RBM20: variants seen among roughly 807,000 people sequenced by gnomAD.
The protein encoded by RBM20 is RNA binding motif protein 20.
A neutral mutation model predicts 110.1 loss-of-function variants in RBM20; 51 were observed. That is an observed-to-expected ratio of 0.46 (90% CI 0.37 to 0.59). RBM20 has a LOEUF of 0.59. Ranked by LOEUF, RBM20 falls within the 20% of genes least tolerant of loss-of-function variation. RBM20 has a pLI of 0.00. For missense variants in RBM20, 1,512 were observed against 1,574.9 expected (o/e 0.96, Z 0.68); for synonymous variants, 589 against 618.2 (o/e 0.95, Z 0.70).
At chr10:110,697,948 C>A (rs183964481) in intron 1 of RBM20, among the ~76,000 whole-genome samples, 12 of 150,622 alleles carry the variant, frequency 8.0e-5, no homozygotes, top group African/African-American at 2.7e-4. Flanking sequence ...CACTCTGTCG[C>A]CCGGGCTGGA....
At chr10:110,741,332 G>A (rs1294990988) in intron 1 of RBM20, among the ~76,000 whole-genome samples, 3 of 152,186 alleles carry the variant, frequency 2.0e-5, no homozygotes, top group Non-Finnish European at 2.9e-5. Context: ...GAAATAACAG[G>A]TATCTGCCTC....
chr10:110,779,420 C>T (rs1345314365), intron 1 of RBM20, among the ~76,000 whole-genome samples: 1 of 152,206 alleles, frequency 6.6e-6, no homozygotes, highest in Non-Finnish European at 1.5e-5. Context: ...AAACACTTTG[C>T]CCCATGCACC....
rs876657976 is a variant in RBM20 at position 110,812,558 on chromosome 10, G to A, written c.2161G>A (p.Ala721Thr). ...ACACCACCCCCGGCAACTGGACAAG[G>A]CTGAGTTGGACGAGCGACCAGAAGG... ...RKHHPRQLDK[A>T]ELDERPEGGR... The change falls in exon 9 of 14, where the codon GCT becomes ACT. Residue 721 changes from alanine to threonine, a missense_variant. This residue lies in a region of RBM20 where 1,149 missense variants were observed against 1,169.4 expected (regional missense o/e 0.98). Transcript: ENST00000369519. 6 of 1,551,778 alleles carry A rather than the reference G, an allele frequency of 3.9e-6. No homozygotes were observed. The highest frequency in any genetic ancestry group is 1.2e-5 in the South Asian group (1 of 84,068).
At chr10:110,825,577 G>A (rs1005071692) in intron 12 of RBM20, among the ~76,000 whole-genome samples, 5 of 152,130 alleles carry the variant, frequency 3.3e-5, no homozygotes, top group African/African-American at 1.2e-4. Flanking sequence ...ATAATGTTCT[G>A]CAAGTTCACT....
At chr10:110,831,962 T>C (rs1019148702) in intron 13 of RBM20, among the ~76,000 whole-genome samples, 2 of 152,224 alleles carry the variant, frequency 1.3e-5, no homozygotes, top group African/African-American at 4.8e-5. Context: ...AAGGCACCAC[T>C]ATTTTTTGGT....
chr10:110,730,841 GGAA>G (rs1158451195), intron 1 of RBM20, among the ~76,000 whole-genome samples: 2 of 152,218 alleles, frequency 1.3e-5, no homozygotes, highest in African/African-American at 4.8e-5. Context: ...CAGGGAATCA[GGAA>G]GAAGGAGGAG....
chr10:110,699,483 G>C lies in RBM20; in HGVS notation c.191+54838G>C, dbSNP rs953364565. ...GATGGGGTTTCACCATGTTGGTCAA[G>C]CTAGTTTTGAACTCCTGACCTCAGA... On this transcript the variant is annotated intron_variant, in intron 1 of 13. Transcript: ENST00000369519. 4.0e-5 allele frequency among the ~76,000 whole-genome samples: 6 copies of C among 151,898 alleles called. No homozygotes were observed. The East Asian group carries it at 1.2e-3, about 29-fold the overall frequency.
At chr10:110,767,784 A>G (rs1564840067) in intron 1 of RBM20, among the ~76,000 whole-genome samples, 1 of 151,760 alleles carries the variant, frequency 6.6e-6, no homozygotes, top group Non-Finnish European at 1.5e-5. Flanking sequence ...AGCCGAGAAG[A>G]GGCGCTCCTC....
At position 110,824,381 on chromosome 10, in the gene RBM20, G is replaced by A. The variant is rs117575533; in HGVS notation, c.3451+767G>A. Among the ~76,000 whole-genome samples, 448 of 152,202 alleles carry A rather than the reference G, an allele frequency of 2.9e-3. 12 individuals carry two copies. The South Asian group carries it at 0.053, about 18-fold the overall frequency. ...TCTTTAAAGGACCAACTTTTCTGAG[G>A]CAATGATGCTGAATAGAATGTGTTT... On this transcript the variant is annotated intron_variant, in intron 12 of 13. Coordinates refer to ENST00000369519, the MANE Select transcript of RBM20 (RefSeq NM_001134363.3).
intron 7 of RBM20, among the ~76,000 whole-genome samples, chr10:110,804,526 C>G (rs11594287): frequency 0.27 from 40,448 of 152,172 alleles, 6,033 homozygotes; most frequent in East Asian, 0.36. Flanking sequence ...TTCATTTCCT[C>G]TCTTGAATAT....
chr10:110,643,421 G>A (rs1590589945), upstream of RBM20, among the ~76,000 whole-genome samples: 1 of 152,212 alleles, frequency 6.6e-6, no homozygotes, highest in African/African-American at 2.4e-5. Flanking sequence ...CAGGATGTCC[G>A]CGTCCACAGC....
chr10:110,659,527 G>A (rs1337157256), intron 1 of RBM20, among the ~76,000 whole-genome samples: 3 of 152,130 alleles, frequency 2.0e-5, no homozygotes, highest in African/African-American at 7.2e-5. Context: ...CAGATTGTGT[G>A]CAGGCAATTT....
intron 1 of RBM20, among the ~76,000 whole-genome samples, chr10:110,775,090 T>A (rs1056456632): frequency 6.6e-6 from 1 of 152,254 alleles, no homozygotes; most frequent in South Asian, 2.1e-4. Context: ...ACTAGCAGAA[T>A]GTGTCATAAA....
At chr10:110,646,696 C>G (rs866127583) in intron 1 of RBM20, among the ~76,000 whole-genome samples, 4 of 152,342 alleles carry the variant, frequency 2.6e-5, no homozygotes, top group Middle Eastern at 3.4e-3. Context: ...GTAGGTCCAT[C>G]TTCAATGCGC....
At chr10:110,759,154 G>A (rs910844738) in intron 1 of RBM20, among the ~76,000 whole-genome samples, 1 of 152,178 alleles carries the variant, frequency 6.6e-6, no homozygotes, top group Non-Finnish European at 1.5e-5. Context: ...TAGCCTTTTC[G>A]GCGCTGAGCT....
intron 7 of RBM20, among the ~76,000 whole-genome samples, chr10:110,804,063 C>T (rs1172012473): frequency 6.6e-6 from 1 of 152,140 alleles, no homozygotes; most frequent in African/African-American, 2.4e-5. Flanking sequence ...CTCTTTCTCC[C>T]CCTTCCCTTT....
intron 1 of RBM20, among the ~76,000 whole-genome samples, chr10:110,775,449 C>G (rs1278314799): frequency 6.6e-6 from 1 of 152,164 alleles, no homozygotes; most frequent in Non-Finnish European, 1.5e-5. Context: ...CAGGAGAGAG[C>G]CTGCTGATAC....
At chr10:110,768,122 C>T (rs899662246) in intron 1 of RBM20, among the ~76,000 whole-genome samples, 3 of 152,294 alleles carry the variant, frequency 2.0e-5, no homozygotes, top group East Asian at 1.9e-4. Flanking sequence ...CGCAGGCACT[C>T]GGCAGGCTGA....
At chr10:110,797,706 G>A (rs1033484892) in intron 6 of RBM20, 58 bp downstream of exon 6, 19 of 1,492,814 alleles carry the variant, frequency 1.3e-5, no homozygotes, top group Non-Finnish European at 1.6e-5. Context: ...TTAGTGAAAG[G>A]GAACGATATA....
Sources: allele counts gnomAD v4.1 joint callset (sites outside exome capture counted in the v4.1 genomes callset), GRCh38; gene constraint gnomAD v4.1.1; regional missense constraint gnomAD v4.1.1; transcripts MANE v1.5; gene names NCBI Gene and HGNC (gene_info 2026-07-23, HGNC 2026-07-21).